DLG2: variants seen among roughly 807,000 people sequenced by gnomAD.
DLG2 encodes the protein disks large homolog 2.
Under a neutral mutation model 132.5 loss-of-function variants are expected in DLG2, and 45 were observed. The ratio of observed to expected loss-of-function variants is 0.34; its 90% confidence interval spans 0.27 to 0.44. DLG2 has a LOEUF of 0.44. Among genes scored for constraint, DLG2 ranks in the 20% least tolerant of loss-of-function variants. DLG2 has a pLI of 1.00. For synonymous variants in DLG2, 424 were observed against 419.6 expected (o/e 1.01, Z -0.13); for missense variants, 1,045 against 1,196.9 (o/e 0.87, Z 1.87).
rs10688898 is a variant in DLG2 at position 83,667,975 on chromosome 11, C to CAAAAA, written c.1826-34655_1826-34651dup. Among the ~76,000 whole-genome samples, 212 of 39,538 alleles carry CAAAAA rather than the reference C, an allele frequency of 5.4e-3. 14 individuals carry two copies. Among genetic ancestry groups the CAAAAA allele is most frequent in the South Asian group, 0.014 (7 of 510 alleles). 25.9% of individuals were successfully genotyped at this position (39,538 alleles called of 152,430 possible). On this transcript the variant is annotated intron_variant, in intron 18 of 27. Coordinates refer to ENST00000376104, the MANE Select transcript of DLG2 (RefSeq NM_001142699.3). The stretch of plus-strand genomic sequence containing the variant: ...CGGGCGACAGAGTGAGACTCCGTCT[C>CAAAAA]AAAAAAAAAAAAAAAAAAAAAAGAA...
chr11:85,276,519 G>T (rs1428278446), intron 4 of DLG2, among the ~76,000 whole-genome samples: 1 of 152,078 alleles, frequency 6.6e-6, no homozygotes, highest in Non-Finnish European at 1.5e-5. Context: ...GGAAGAGTAT[G>T]GAACTGTATG....
At chr11:84,926,368 G>A (rs2092977008) in intron 6 of DLG2, among the ~76,000 whole-genome samples, 1 of 151,906 alleles carries the variant, frequency 6.6e-6, no homozygotes, top group Admixed American at 6.6e-5. Flanking sequence ...CCAGATATAT[G>A]TGTGTATGTG....
At chr11:83,987,797 T>C (rs2154180120) in intron 11 of DLG2, among the ~76,000 whole-genome samples, 1 of 152,300 alleles carries the variant, frequency 6.6e-6, no homozygotes, top group Non-Finnish European at 1.5e-5. Flanking sequence ...GCAAGGACTT[T>C]TTTGACTTTT....
intron 6 of DLG2, among the ~76,000 whole-genome samples, chr11:84,573,194 A>AC (rs2099490027): frequency 1.3e-5 from 2 of 152,122 alleles, no homozygotes; most frequent in African/African-American, 2.4e-5. Context: ...GTGATTTACA[A>AC]ATGTGTGAGA....
At chr11:84,937,442 T>G (rs1478149551) in intron 6 of DLG2, among the ~76,000 whole-genome samples, 1 of 151,778 alleles carries the variant, frequency 6.6e-6, no homozygotes, top group African/African-American at 2.4e-5. Context: ...AAAACTTCTG[T>G]TCTTTTCAGC....
intron 15 of DLG2, among the ~76,000 whole-genome samples, chr11:83,924,398 C>T (rs545621124): frequency 1.4e-4 from 22 of 152,202 alleles, no homozygotes; most frequent in Admixed American, 4.6e-4. Context: ...GATCCTATAA[C>T]TTCATATGGG....
chr11:84,330,830 C>A (rs1289646749), intron 7 of DLG2, among the ~76,000 whole-genome samples: 3 of 152,172 alleles, frequency 2.0e-5, no homozygotes, highest in Admixed American at 1.3e-4. Context: ...TATTTCATTT[C>A]TAGGTATGAA....
At chr11:85,402,437 A>T (rs939689259) in intron 3 of DLG2, among the ~76,000 whole-genome samples, 10 of 152,154 alleles carry the variant, frequency 6.6e-5, no homozygotes, top group Non-Finnish European at 1.2e-4. Flanking sequence ...ATGTGCAAAG[A>T]CCCCATGACT....
rs924174882 is a variant in DLG2 at position 84,086,365 on chromosome 11, T to C, written c.749+12558A>G. Among the ~76,000 whole-genome samples, 12 of 152,228 alleles carry C rather than the reference T, an allele frequency of 7.9e-5. 1 individual carries two copies. Among genetic ancestry groups the C allele is most frequent in the African/African-American group, 2.9e-4 (12 of 41,462 alleles). ...TATCTTTATTGAGATATAATTCACA[T>C]ACTTTAAAATTTGCCCTTTTAAAGT... On this transcript the variant is annotated intron_variant, in intron 10 of 27. Coordinates refer to ENST00000376104, the MANE Select transcript of DLG2 (RefSeq NM_001142699.3).
chr11:84,968,094 A>T, intron 6 of DLG2, among the ~76,000 whole-genome samples: 1 of 152,200 alleles, frequency 6.6e-6, no homozygotes, highest in Non-Finnish European at 1.5e-5. Flanking sequence ...TATTTATAAT[A>T]ACCAAATGTA....
At chr11:84,280,738 C>T (rs1415433044) in intron 7 of DLG2, among the ~76,000 whole-genome samples, 1 of 151,936 alleles carries the variant, frequency 6.6e-6, no homozygotes, top group Admixed American at 6.6e-5. Context: ...CACTCTGTCG[C>T]CCAGGCTGGA....
At chr11:84,349,920 G>T (rs1414198952) in intron 7 of DLG2, among the ~76,000 whole-genome samples, 1 of 151,982 alleles carries the variant, frequency 6.6e-6, no homozygotes, top group Non-Finnish European at 1.5e-5. Context: ...GCTCACGCCT[G>T]TAATCCCAGC....
At chr11:83,509,156 C>T (rs767329664) in intron 21 of DLG2, among the ~76,000 whole-genome samples, 5 of 152,192 alleles carry the variant, frequency 3.3e-5, no homozygotes, top group African/African-American at 7.2e-5. Flanking sequence ...TGGTGTCAGA[C>T]GGGCCAGGCA....
intron 6 of DLG2, among the ~76,000 whole-genome samples, chr11:84,603,183 T>C (rs2099579686): frequency 6.6e-6 from 1 of 151,978 alleles, no homozygotes; most frequent in Non-Finnish European, 1.5e-5. Flanking sequence ...GAAGGCTTAT[T>C]AGTCTGTCCT....
chr11:84,799,807 C>T (rs2075144414), intron 6 of DLG2, among the ~76,000 whole-genome samples: 1 of 152,118 alleles, frequency 6.6e-6, no homozygotes, highest in Admixed American at 6.5e-5. Flanking sequence ...TGTTCTATTC[C>T]CACCCTCCTG....
intron 7 of DLG2, among the ~76,000 whole-genome samples, chr11:84,286,335 T>A (rs928733277): frequency 6.6e-6 from 1 of 152,142 alleles, no homozygotes; most frequent in African/African-American, 2.4e-5. Flanking sequence ...GGGCTTCTCA[T>A]GTAATAGGAG....
At chr11:85,395,186 G>GA (rs1231941101) in intron 3 of DLG2, among the ~76,000 whole-genome samples, 3 of 152,168 alleles carry the variant, frequency 2.0e-5, no homozygotes, top group Non-Finnish European at 2.9e-5. Context: ...ACATATAAAT[G>GA]AAAAAAGTGT....
chr11:84,287,185 T>C (rs929068698), intron 7 of DLG2, among the ~76,000 whole-genome samples: 2 of 152,164 alleles, frequency 1.3e-5, no homozygotes, highest in Admixed American at 1.3e-4. Context: ...GTATTTGGTG[T>C]TTTAGTAAGC....
chr11:83,604,350 G>A (rs149935276), intron 19 of DLG2, among the ~76,000 whole-genome samples: 10 of 152,302 alleles, frequency 6.6e-5, no homozygotes, highest in African/African-American at 2.2e-4. Flanking sequence ...TGAATTTCAA[G>A]TGTGTTCTTG....
Sources: allele counts gnomAD v4.1 joint callset (sites outside exome capture counted in the v4.1 genomes callset), GRCh38; gene constraint gnomAD v4.1.1; transcripts MANE v1.5; gene names NCBI Gene and HGNC (gene_info 2026-07-23, HGNC 2026-07-21).